LARGE1: variants seen among roughly 807,000 people sequenced by gnomAD.
LARGE1 encodes LARGE xylosyl- and glucuronyltransferase 1.
A neutral mutation model predicts 87.6 loss-of-function variants in LARGE1; 43 were observed. The ratio of observed to expected loss-of-function variants is 0.49; its 90% confidence interval spans 0.38 to 0.63. The LOEUF (loss-of-function observed/expected upper bound fraction) is 0.63, where lower values mean the gene tolerates loss of function less well. LARGE1 is among the 30% of genes least tolerant of loss of function. LARGE1 has a pLI of 0.00. For missense variants in LARGE1, 802 were observed against 1,000.2 expected, an observed-to-expected ratio of 0.80 and a Z score of 2.67; for synonymous variants, 434 against 394.6, an observed-to-expected ratio of 1.10 and a Z score of -1.18.
intron 6 of LARGE1, among the ~76,000 whole-genome samples, chr22:33,456,083 A>C (rs2068120066): frequency 6.6e-6 from 1 of 152,212 alleles, no homozygotes; most frequent in Non-Finnish European, 1.5e-5. Context: ...CTGAGCAATT[A>C]CTACAGGTAA....
chr22:33,219,873 C>G (rs1204027912), intron 11 of LARGE1, among the ~76,000 whole-genome samples: 1 of 152,122 alleles, frequency 6.6e-6, no homozygotes, highest in Non-Finnish European at 1.5e-5. Flanking sequence ...GTCAAACTCC[C>G]CCACTGTCAC....
In LARGE1 at chr22:33,878,125, A is replaced by ATTTTTTTTTTTTTTTTTTT. The variant is rs1601836110; in HGVS notation, c.-83+41869_-83+41870insAAAAAAAAAAAAAAAAAAA. Among the ~76,000 whole-genome samples the ATTTTTTTTTTTTTTTTTTT allele has an allele frequency of 2.7e-4, 14 of 51,236 alleles. 1 individual carries two copies. Among genetic ancestry groups the ATTTTTTTTTTTTTTTTTTT allele is most frequent in the Middle Eastern group, 0.011 (1 of 88 alleles). The allele number at this position is 51,236 out of a possible 152,430, so 33.6% of individuals were successfully genotyped here. A position where few individuals can be genotyped will look rare whatever the true frequency, so the allele number is the denominator to read the frequency against. On this transcript the variant is annotated intron_variant, in intron 1 of 14. Transcript: ENST00000397394. ...AAATTATGTATGTTGTTTATATTGTATTTCTTTTTTTTTTTTTTTTTTTTT... is the reference window on the plus strand; with the variant it reads ...AAATTATGTATGTTGTTTATATTGTATTTTTTTTTTTTTTTTTTTTTTCTTTTTTTTTTTTTTTTTTTTT...
At chr22:33,521,930 C>T (rs2071620763) in intron 6 of LARGE1, among the ~76,000 whole-genome samples, 1 of 152,158 alleles carries the variant, frequency 6.6e-6, no homozygotes, top group South Asian at 2.1e-4. Flanking sequence ...AGCTTCCAAT[C>T]ACGGCAGAAG....
intron 6 of LARGE1, among the ~76,000 whole-genome samples, chr22:33,496,074 G>A (rs894585106): frequency 6.6e-6 from 1 of 152,190 alleles, no homozygotes; most frequent in Non-Finnish European, 1.5e-5. Context: ...GCCAGTCCGA[G>A]TCCCAAAGCT....
the LARGE1 span, among the ~76,000 whole-genome samples, chr22:33,089,334 T>C: frequency 1.4e-5 from 1 of 70,054 alleles, no homozygotes; most frequent in South Asian, 6.5e-4. Flanking sequence ...CTTCTTCTTC[T>C]TCTTCTTCTT....
chr22:33,403,414 A>G (rs2065990713), intron 7 of LARGE1, among the ~76,000 whole-genome samples: 1 of 152,188 alleles, frequency 6.6e-6, no homozygotes, highest in Admixed American at 6.5e-5. Flanking sequence ...TGATTTCAAA[A>G]GAACATTTTA....
rs534653674 is a variant in LARGE1, at chr22:33,778,170, C to T, written c.-82-16612G>A. Among the ~76,000 whole-genome samples, 8 of 152,300 alleles carry T rather than the reference C, an allele frequency of 5.3e-5. No homozygotes were observed. The East Asian group carries it at 1.2e-3, about 22-fold the overall frequency. ...AGTTTCCTCAGGTCACAGAAAAAGT[C>T]TCTATAAGGATAAAGCACAGGGACT... On this transcript the variant is annotated intron_variant, in intron 1 of 14. Transcript: ENST00000397394.
At chr22:33,834,051 T>G (rs1233923225) in intron 1 of LARGE1, among the ~76,000 whole-genome samples, 1 of 152,128 alleles carries the variant, frequency 6.6e-6, no homozygotes, top group African/African-American at 2.4e-5. Flanking sequence ...CTGGAGCCAC[T>G]CAGCCACCGA....
intron 1 of LARGE1, among the ~76,000 whole-genome samples, chr22:33,900,103 A>G (rs1165602428): frequency 6.6e-6 from 1 of 152,198 alleles, no homozygotes; most frequent in African/African-American, 2.4e-5. Context: ...AACAAACCAA[A>G]AAACCAGAAT....
At chr22:33,424,921 T>C (rs1344550415) in intron 7 of LARGE1, among the ~76,000 whole-genome samples, 2 of 152,120 alleles carry the variant, frequency 1.3e-5, no homozygotes, top group African/African-American at 4.8e-5. Context: ...GGGAAGTAAT[T>C]AGGGTCATGA....
chr22:33,412,038 C>T (rs2066322496), intron 7 of LARGE1, among the ~76,000 whole-genome samples: 1 of 152,154 alleles, frequency 6.6e-6, no homozygotes, highest in Admixed American at 6.5e-5. Context: ...AATCCCAGCA[C>T]TTTGGGAGGC....
At chr22:33,837,838 C>T (rs2063153894) in intron 1 of LARGE1, among the ~76,000 whole-genome samples, 1 of 152,228 alleles carries the variant, frequency 6.6e-6, no homozygotes, top group Admixed American at 6.5e-5. Context: ...TATCCCAGTA[C>T]ACTGAACAAA....
chr22:33,633,595 T>C (rs754390545), intron 3 of LARGE1, among the ~76,000 whole-genome samples: 4 of 152,222 alleles, frequency 2.6e-5, no homozygotes, highest in Non-Finnish European at 5.9e-5. Flanking sequence ...GCCCTGCTTC[T>C]CTTGCCCACA....
At chr22:33,801,102 G>A (rs989605035) in intron 1 of LARGE1, among the ~76,000 whole-genome samples, 25 of 152,090 alleles carry the variant, frequency 1.6e-4, no homozygotes, top group Non-Finnish European at 3.4e-4. Flanking sequence ...AGGGGTTTCC[G>A]CTTTTGCTTC....
chr22:33,674,348 G>C (rs1020248197), intron 2 of LARGE1, among the ~76,000 whole-genome samples: 2 of 152,116 alleles, frequency 1.3e-5, no homozygotes, highest in Non-Finnish European at 2.9e-5. Context: ...GAATCATATA[G>C]TCTTTACTTG....
chr22:33,372,541 A>G (rs1023383389), intron 9 of LARGE1, among the ~76,000 whole-genome samples: 1 of 152,176 alleles, frequency 6.6e-6, no homozygotes, highest in African/African-American at 2.4e-5. Context: ...GAGCCAAGCA[A>G]TAGGGGAAAC....
intron 11 of LARGE1, among the ~76,000 whole-genome samples, chr22:33,183,605 C>CAA (rs1193206029): frequency 1.1e-5 from 1 of 87,192 alleles, no homozygotes; most frequent in African/African-American, 4.1e-5. Context: ...GGATAAAACA[C>CAA]ACACACACAC....
At position 33,566,796 on chromosome 22, in the gene LARGE1, A is replaced by G. The variant is rs142976275; in HGVS notation, c.616-1777T>C. ...AAAGTGCTGATTGGTGTGTGTTTACAATCCTTTAGCTAGACACAGAGCACT... is the reference window on the plus strand; with the variant it reads ...AAAGTGCTGATTGGTGTGTGTTTACGATCCTTTAGCTAGACACAGAGCACT... On this transcript the variant is annotated intron_variant, in intron 5 of 14. Transcript: ENST00000397394. 4.7e-4 allele frequency among the ~76,000 whole-genome samples: 72 copies of G among 152,288 alleles called. No homozygotes were observed. In the East Asian group the frequency reaches 0.013, roughly 28 times the overall value.
intron 2 of LARGE1, among the ~76,000 whole-genome samples, chr22:33,670,693 C>T (rs180740204): frequency 6.6e-6 from 1 of 152,246 alleles, no homozygotes; most frequent in African/African-American, 2.4e-5. Flanking sequence ...TCAGAACTTG[C>T]TATGATAAAA....
Sources: gnomAD v4.1 joint callset for allele counts (sites outside exome capture counted in the v4.1 genomes callset) on GRCh38, gnomAD v4.1.1 for gene constraint, MANE v1.5 for transcripts, NCBI Gene and HGNC (gene_info 2026-07-23, HGNC 2026-07-21) for gene names.